G3BP2: variants seen among roughly 807,000 people sequenced by gnomAD.
G3BP2 encodes the protein G3BP stress granule assembly factor 2.
A neutral mutation model predicts 56.7 loss-of-function variants in G3BP2; 11 were observed. The ratio of observed to expected loss-of-function variants is 0.19; its 90% CI spans 0.12 to 0.32. The LOEUF is 0.32. Ranked by LOEUF, G3BP2 falls within the 10% of genes least tolerant of loss-of-function variation. The pLI is 1.00. For synonymous variants in G3BP2, 165 were observed against 191.6 expected, an observed-to-expected ratio of 0.86 and a Z score of 1.15; for missense variants, 340 against 610.9, an observed-to-expected ratio of 0.56 and a Z score of 4.67.
At chr4:75,661,637 GA>G in intron 2 of G3BP2, 1 of 205,344 alleles carries the variant, frequency 4.9e-6, no homozygotes, top group South Asian at 8.3e-5. Flanking sequence ...CACCCTGAGT[GA>G]CAGAGGAGAC....
intron 7 of G3BP2, chr4:75,654,783 C>A (rs1438792921): frequency 3.3e-6 from 1 of 299,812 alleles, no homozygotes; most frequent in African/African-American, 2.2e-5. Context: ...GAAAGAACAA[C>A]TGACAGCTCT....
intron 3 of G3BP2, among the ~76,000 whole-genome samples, chr4:75,706,389 G>A (rs901135128): frequency 3.9e-5 from 6 of 152,162 alleles, no homozygotes; most frequent in African/African-American, 2.4e-5. Context: ...CTTGTATACT[G>A]TTATGGATTC....
upstream of G3BP2, among the ~76,000 whole-genome samples, chr4:75,675,649 G>A (rs1251613241): frequency 6.6e-6 from 1 of 152,180 alleles, no homozygotes; most frequent in Non-Finnish European, 1.5e-5. Context: ...AAAATTAGCC[G>A]GGCGTGGTGG....
At chr4:75,648,355 AAC>A (rs1491012161) in intron 9 of G3BP2, among the ~76,000 whole-genome samples, 1,536 of 38,694 alleles carry the variant, frequency 0.04, 44 homozygotes, top group African/African-American at 0.1. Context: ...TCAAAAAAAA[AAC>A]AAACAAACAA....
Position 75,655,089 on chromosome 4 carries a change from A to C in G3BP2, c.703T>G (p.Ser235Ala). Reference protein sequence around the residue: ...STTPPPAEPVSLPQEPPKAFS... With the variant: ...STTPPPAEPVALPQEPPKAFS... The stretch of plus-strand genomic sequence containing the variant: ...ACCTTTGGTGGTTCTTGTGGCAGAG[A>C]AACAGGTTCTGCCGGAGGAGGAGTA... The change falls in exon 7 of 12, where the codon TCT (serine) becomes GCT (alanine). Residue 235 changes from serine (S) to alanine (A), a missense_variant. Physicochemically the swap from Ser to Ala is moderately conservative, Grantham distance 99. Around this residue, in one of 4 missense-constraint regions of G3BP2, gnomAD observed 224 missense variants for 332.5 expected, o/e 0.67. Coordinates refer to ENST00000359707, the MANE Select transcript of G3BP2 (RefSeq NM_203505.3). 6.2e-7 allele frequency: 1 copy of C among 1,612,162 alleles called. No individual in the cohort carries two copies. The highest frequency in any genetic ancestry group is 8.5e-7 in the Non-Finnish European group (1 of 1,179,208).
chr4:75,690,664 C>T (rs773297091), intron 3 of G3BP2, among the ~76,000 whole-genome samples: 4 of 151,998 alleles, frequency 2.6e-5, no homozygotes, highest in Non-Finnish European at 5.9e-5. Context: ...CTCTGCCTCC[C>T]GGGGTCAAAT....
chr4:75,658,298 T>C (rs1227723956), intron 3 of G3BP2, among the ~76,000 whole-genome samples: 1 of 152,110 alleles, frequency 6.6e-6, no homozygotes, highest in Non-Finnish European at 1.5e-5. Flanking sequence ...TATAACACCA[T>C]GTTTCATACA....
chr4:75,670,395 T>C (rs548846919), intron 1 of G3BP2: 3 of 152,330 alleles, frequency 2.0e-5, no homozygotes, highest in East Asian at 3.9e-4. Context: ...TCTTTTGTGG[T>C]ACACCATTGA....
At chr4:75,649,700 A>C (rs1211556504) in intron 8 of G3BP2, among the ~76,000 whole-genome samples, 1 of 152,200 alleles carries the variant, frequency 6.6e-6, no homozygotes, top group Non-Finnish European at 1.5e-5. Context: ...ACATGTCCTC[A>C]ACTCAGAAAG....
intron 3 of G3BP2, among the ~76,000 whole-genome samples, chr4:75,679,901 A>G (rs1702901884): frequency 6.6e-6 from 1 of 152,232 alleles, no homozygotes; most frequent in South Asian, 2.1e-4. Flanking sequence ...AACTAAAGAT[A>G]ACATAAATGA....
In G3BP2 at chr4:75,685,307, C is replaced by A. The variant is rs541356098; in HGVS notation, c.-24-23258G>T. 5.3e-5 allele frequency among the ~76,000 whole-genome samples: 8 copies of A among 151,976 alleles called. No homozygotes were observed. The South Asian group carries it at 1.7e-3, about 32-fold the overall frequency. ...CCTGAGGTCAGGAGTTTGACACCAGCCTGGCCAACATGGTGAAACCCTGTC... is the reference window on the plus strand; with the variant it reads ...CCTGAGGTCAGGAGTTTGACACCAGACTGGCCAACATGGTGAAACCCTGTC... On this transcript the variant is annotated intron_variant, in intron 3 of 3. Coordinates refer to the G3BP2 transcript ENST00000499709.
intron 2 of G3BP2, among the ~76,000 whole-genome samples, chr4:75,659,545 ATC>A (rs1255064182): frequency 1.3e-5 from 2 of 152,218 alleles, no homozygotes; most frequent in Non-Finnish European, 2.9e-5. Flanking sequence ...TAGAATTAAC[ATC>A]TTTCTAAATT....
intron 3 of G3BP2, among the ~76,000 whole-genome samples, chr4:75,704,619 A>T (rs1383653984): frequency 6.8e-6 from 1 of 146,884 alleles, no homozygotes; most frequent in Admixed American, 6.8e-5. Context: ...GTGATGGCCC[A>T]ATATATTTTT....
intron 5 of G3BP2, among the ~76,000 whole-genome samples, chr4:75,656,554 T>C (rs1453879024): frequency 2.6e-5 from 4 of 151,978 alleles, no homozygotes; most frequent in African/African-American, 4.8e-5. Context: ...AGCCACAACA[T>C]AGACAGCCAA....
Position 75,645,408 on chromosome 4 carries a change from A to C in G3BP2, c.*22T>G. 1 of 1,604,322 alleles carries C rather than the reference A, an allele frequency of 6.2e-7. No homozygotes were observed. The highest frequency in any genetic ancestry group is 1.1e-5 in the South Asian group (1 of 90,478). ...CACGATGAATAATGTACCACTGCCA[A>C]GACTTTGCCAACAGTGGAGCTTCAG... On this transcript the variant is annotated 3_prime_UTR_variant, in exon 12 of 12. Transcript: ENST00000359707.
intron 1 of G3BP2, among the ~76,000 whole-genome samples, chr4:75,663,765 C>T (rs999924749): frequency 8.4e-6 from 1 of 119,266 alleles, no homozygotes; most frequent in Admixed American, 9.1e-5. Flanking sequence ...GAGGCTGAGG[C>T]AGAGAATTGC....
At chr4:75,665,335 A>G (rs1363844068) in intron 1 of G3BP2, among the ~76,000 whole-genome samples, 1 of 152,248 alleles carries the variant, frequency 6.6e-6, no homozygotes, top group Non-Finnish European at 1.5e-5. Flanking sequence ...AAAATAGTTA[A>G]TTCACAAAGA....
chr4:75,710,300 G>A (rs1719707797), intron 3 of G3BP2, among the ~76,000 whole-genome samples: 1 of 152,124 alleles, frequency 6.6e-6, no homozygotes, highest in South Asian at 2.1e-4. Context: ...GAGAAACCAA[G>A]AGGACTGTCT....
intron 3 of G3BP2, among the ~76,000 whole-genome samples, chr4:75,711,014 G>C (rs1314415775): frequency 6.6e-6 from 1 of 152,038 alleles, no homozygotes; most frequent in African/African-American, 2.4e-5. Flanking sequence ...TATTCAACCT[G>C]TCTGGCTTTA....
Sources: gnomAD v4.1 joint callset for allele counts (sites outside exome capture counted in the v4.1 genomes callset) on GRCh38, gnomAD v4.1.1 for gene constraint, gnomAD v4.1.1 regional missense constraint, MANE v1.5 for transcripts, NCBI Gene and HGNC (gene_info 2026-07-23, HGNC 2026-07-21) for gene names.